The following LSAMP variants were observed in gnomAD, a reference collection of about 807,000 sequenced individuals.
LSAMP encodes the protein limbic system associated membrane protein.
A neutral mutation model predicts 38.6 loss-of-function variants in LSAMP; 7 were observed. The ratio of observed to expected loss-of-function variants is 0.18; its 90% CI spans 0.10 to 0.34. The LOEUF (loss-of-function observed/expected upper bound fraction) is 0.34. Ranked by LOEUF, LSAMP falls within the 10% of genes least tolerant of loss-of-function variation. The pLI is 1.00. For synonymous variants in LSAMP, 154 were observed against 166.8 expected (o/e 0.92, Z 0.59); for missense variants, 313 against 420.0 (o/e 0.75, Z 2.23).
chr3:116,428,514 T>C (rs1235667492), intron 1 of LSAMP, among the ~76,000 whole-genome samples: 3 of 152,176 alleles, frequency 2.0e-5, no homozygotes, highest in Non-Finnish European at 4.4e-5. Flanking sequence ...CTACCATGTA[T>C]TTAGAAAAAA....
In LSAMP at chr3:115,852,562, C is replaced by T; in HGVS notation, c.570G>A (p.Glu190=). ...CTTTGCACTCATATTTGCCTGACTG[C>T]TCCCTGGTGATGCCAAGGATCTCCA... ...EYLEILGITR[E]QSGKYECKAA... Residue 190 remains glutamate, a synonymous_variant, in exon 4 of 7, where the codon GAG becomes GAA. Transcript: ENST00000490035. 1 of 1,614,018 alleles carries T rather than the reference C, an allele frequency of 6.2e-7. No individual in the cohort carries two copies. The highest frequency in any genetic ancestry group is 8.5e-7 in the Non-Finnish European group (1 of 1,179,958).
At chr3:116,282,448 C>A (rs1432392310) in intron 1 of LSAMP, among the ~76,000 whole-genome samples, 1 of 151,688 alleles carries the variant, frequency 6.6e-6, no homozygotes. Flanking sequence ...TTCTTTTTTT[C>A]TTAATATGTT....
At chr3:115,911,362 A>C (rs1001328462) in intron 3 of LSAMP, among the ~76,000 whole-genome samples, 1 of 152,034 alleles carries the variant, frequency 6.6e-6, no homozygotes, top group Non-Finnish European at 1.5e-5. Flanking sequence ...ATGGGTTTTC[A>C]TTTTTGTTTT....
At chr3:115,933,807 C>T (rs1937620896) in intron 3 of LSAMP, among the ~76,000 whole-genome samples, 2 of 152,188 alleles carry the variant, frequency 1.3e-5, no homozygotes, top group South Asian at 4.1e-4. Flanking sequence ...AGAGTCAAAG[C>T]TGCAGTGCCC....
chr3:115,832,772 T>G (rs548612359), intron 6 of LSAMP, among the ~76,000 whole-genome samples: 5 of 152,280 alleles, frequency 3.3e-5, no homozygotes, highest in African/African-American at 1.2e-4. Flanking sequence ...CTAAAAACTA[T>G]TGGATCTAAG....
At chr3:116,181,126 A>G (rs1403518926) in intron 1 of LSAMP, among the ~76,000 whole-genome samples, 1 of 152,080 alleles carries the variant, frequency 6.6e-6, no homozygotes, top group African/African-American at 2.4e-5. Flanking sequence ...TTATAATAGC[A>G]TTATAACAAA....
intron 1 of LSAMP, among the ~76,000 whole-genome samples, chr3:116,128,644 T>G (rs1437032826): frequency 1.3e-5 from 2 of 152,340 alleles, no homozygotes; most frequent in East Asian, 3.9e-4. Context: ...CCTTCAGTAT[T>G]CCAAAGAATG....
chr3:115,868,585 A>C (rs1576166656), intron 3 of LSAMP, among the ~76,000 whole-genome samples: 1 of 152,134 alleles, frequency 6.6e-6, no homozygotes. Context: ...CTAAACGAGC[A>C]TAAATATATT....
chr3:115,899,124 A>G (rs1484898816), intron 3 of LSAMP, among the ~76,000 whole-genome samples: 4 of 152,162 alleles, frequency 2.6e-5, no homozygotes, highest in African/African-American at 4.8e-5. Flanking sequence ...ACACATAACT[A>G]AGGCAGCCAA....
chr3:115,968,187 G>A (rs1338396972), intron 3 of LSAMP, among the ~76,000 whole-genome samples: 1 of 151,980 alleles, frequency 6.6e-6, no homozygotes, highest in East Asian at 1.9e-4. Context: ...GTGCTCTACT[G>A]CACTGTGGCC....
intron 3 of LSAMP, among the ~76,000 whole-genome samples, chr3:115,865,492 T>G (rs1935832872): frequency 6.6e-6 from 1 of 152,198 alleles, no homozygotes; most frequent in South Asian, 2.1e-4. Flanking sequence ...TTTTCCCTTT[T>G]GCTTTCACTT....
rs1270079088 is a variant in LSAMP, at chr3:116,397,465, G to A, written c.155+47412C>T. ...TTTCACTTAATTTTTGTTCTTCATA[G>A]TACTTATCACTATCTAACATAATAT... On this transcript the variant is annotated intron_variant, in intron 1 of 6. Coordinates refer to ENST00000490035, the MANE Select transcript of LSAMP (RefSeq NM_002338.5). Among the ~76,000 whole-genome samples the A allele has an allele frequency of 7.8e-5, 11 of 140,750 alleles. No homozygotes were observed. The Admixed American group carries it at 8.9e-4, about 11-fold the overall frequency. The allele number at this position is 140,750 out of a possible 152,430, so 92.3% of individuals were successfully genotyped here. A position where few individuals can be genotyped will look rare whatever the true frequency, so the allele number is the denominator to read the frequency against.
chr3:115,999,591 T>C (rs1939928543), intron 3 of LSAMP, among the ~76,000 whole-genome samples: 1 of 152,180 alleles, frequency 6.6e-6, no homozygotes. Flanking sequence ...TGGGAAAAGG[T>C]ACCCATCTCC....
chr3:115,849,258 G>A (rs1411608827), intron 4 of LSAMP, among the ~76,000 whole-genome samples: 2 of 152,224 alleles, frequency 1.3e-5, no homozygotes, highest in Non-Finnish European at 2.9e-5. Flanking sequence ...GCATGTAAAA[G>A]TGGCTATGTG....
At chr3:115,933,208 G>C (rs955202304) in intron 3 of LSAMP, among the ~76,000 whole-genome samples, 7 of 152,178 alleles carry the variant, frequency 4.6e-5, no homozygotes, top group Admixed American at 1.3e-4. Context: ...TCATAGGATA[G>C]TGACAATAGG....
At position 116,255,696 on chromosome 3, in the gene LSAMP, C is replaced by T. The variant is rs140617870; in HGVS notation, c.156-169140G>A. 4.5e-3 allele frequency among the ~76,000 whole-genome samples: 684 copies of T among 152,224 alleles called. 5 individuals carry two copies. The highest frequency in any genetic ancestry group is 0.015 in the African/African-American group (630 of 41,530). On this transcript the variant is annotated intron_variant, in intron 1 of 6. Transcript: ENST00000490035. ...CCCTGAAGGCCAGGCACTGGGAGACCTAAAACCAGATGCTGGTGAATGTAA... is the reference window on the plus strand; with the variant it reads ...CCCTGAAGGCCAGGCACTGGGAGACTTAAAACCAGATGCTGGTGAATGTAA...
intron 3 of LSAMP, among the ~76,000 whole-genome samples, chr3:116,010,545 T>G (rs1224293806): frequency 6.6e-6 from 1 of 152,104 alleles, no homozygotes; most frequent in South Asian, 2.1e-4. Flanking sequence ...AAAAGAACAA[T>G]TGCTGATAAT....
rs1422385227 is a variant in LSAMP, at chr3:115,979,827, C to T, written c.514+39688G>A. 3.3e-5 allele frequency among the ~76,000 whole-genome samples: 5 copies of T among 152,220 alleles called. No individual in the cohort carries two copies. In the East Asian group the frequency reaches 5.8e-4, roughly 18 times the overall value. Reference sequence around the variant, plus strand: ...CTTCCATTGACTCAAATACTTATAGCTGCATATAGTAGTTGTTTAATAAGT... The same window carrying T: ...CTTCCATTGACTCAAATACTTATAGTTGCATATAGTAGTTGTTTAATAAGT... On this transcript the variant is annotated intron_variant, in intron 3 of 6. Transcript: ENST00000490035.
intron 1 of LSAMP, among the ~76,000 whole-genome samples, chr3:116,311,121 T>C (rs1190459376): frequency 6.6e-6 from 1 of 152,092 alleles, no homozygotes; most frequent in East Asian, 1.9e-4. Flanking sequence ...AAGCTACCGA[T>C]GATCATTTGT....
Sources: allele counts gnomAD v4.1 joint callset (sites outside exome capture counted in the v4.1 genomes callset), GRCh38; gene constraint gnomAD v4.1.1; transcripts MANE v1.5; gene names NCBI Gene and HGNC (gene_info 2026-07-23, HGNC 2026-07-21).